The following PNPLA6 variants were observed in gnomAD, a reference collection of about 807,000 sequenced individuals.
The protein encoded by PNPLA6 is patatin like domain 6, lysophospholipase.
Under a neutral mutation model 153.7 loss-of-function variants are expected in PNPLA6, and 105 were observed. The observed-to-expected ratio is 0.68, with a 90% CI of 0.58 to 0.80. The LOEUF (loss-of-function observed/expected upper bound fraction) is 0.80. PNPLA6 is among the 30% of genes least tolerant of loss of function. The probability of loss-of-function intolerance (pLI) is 0.00; values close to 1 mark genes in which losing one functional copy is unlikely to be tolerated. For synonymous variants in PNPLA6, 825 were observed against 822.2 expected, an observed-to-expected ratio of 1.00 and a Z score of -0.06; for missense variants, 1,423 against 1,919.3, an observed-to-expected ratio of 0.74 and a Z score of 4.83.
At chr19:7,554,376 G>A (rs950895330) in intron 20 of PNPLA6, 104 bp downstream of exon 20, 26 of 1,286,802 alleles carry the variant, frequency 2.0e-5, no homozygotes, top group African/African-American at 1.0e-4. Context: ...CGGAGCCTGC[G>A]TCTTACCCAT....
chr19:7,561,514 A>G lies in PNPLA6; in HGVS notation c.4050A>G (p.Gln1350=), dbSNP rs924618152. ...AGGAGGAGAAGTCGATTCTCCGGCA[A>G]CGACGCTGTCTGCCCCAGGAGCCGC... The part of the protein sequence containing the change: ...EMEEEKSILR[Q]RRCLPQEPPG... Residue 1350 remains glutamine (Q), a synonymous_variant, in exon 32 of 32, where the codon CAA becomes CAG. Transcript: ENST00000600737. 11 of 1,609,118 alleles carry G rather than the reference A, an allele frequency of 6.8e-6. No homozygotes were observed. The East Asian group carries it at 1.8e-4, about 26-fold the overall frequency.
chr19:7,543,155 C>T, intron 13 of PNPLA6, 71 bp downstream of exon 13: 1 of 1,319,938 alleles, frequency 7.6e-7, no homozygotes, highest in South Asian at 1.2e-5. Context: ...ACCTCTGATC[C>T]CTGCCCTTTG....
intron 18 of PNPLA6, among the ~76,000 whole-genome samples, chr19:7,552,493 C>T (rs10410576): frequency 0.048 from 7,303 of 152,092 alleles, 587 homozygotes; most frequent in African/African-American, 0.17. Flanking sequence ...CGGTGGGTCA[C>T]GCCTGTAATC....
At position 7,535,793 on chromosome 19, in the gene PNPLA6, G is replaced by A. The variant is rs1426439155; in HGVS notation, c.5G>A (p.Gly2Glu). M[G>E]TSSHGLATNS... ...CAGCACTGGCCCATTCTGCAGATGGGGACATCGAGTCACGGGCTGGCTACG... is the reference window on the plus strand; with the variant it reads ...CAGCACTGGCCCATTCTGCAGATGGAGACATCGAGTCACGGGCTGGCTACG... Residue 2 changes from glycine to glutamate, a missense_variant, in exon 1 of 32, where the codon GGG becomes GAG. Transcript: ENST00000600737. This position sits in a 1 kb window ranked among gnomAD's most constrained non-coding sequence, Gnocchi z 5.0. The A allele has an allele frequency of 1.3e-6, 2 of 1,535,900 alleles. No individual in the cohort carries two copies. Among genetic ancestry groups the A allele is most frequent in the Non-Finnish European group, 1.7e-6 (2 of 1,146,160 alleles).
At chr19:7,551,898 G>A (rs1465669131) in intron 18 of PNPLA6, among the ~76,000 whole-genome samples, 1 of 152,084 alleles carries the variant, frequency 6.6e-6, no homozygotes, top group East Asian at 1.9e-4. Context: ...CCAGGAGATT[G>A]AGTTTGAAAC....
rs1355846933 is a variant in PNPLA6 at position 7,536,493 on chromosome 19, C to T, written c.360C>T (p.Ala120=). Residue 120 remains alanine (A), a synonymous_variant, in exon 3 of 32, where the codon GCC becomes GCT. Transcript: ENST00000600737. ...CCCTCGTGGATACCTCTGTCTCCGC[C>T]ACCTCCCGGCCACGCATGAGGAAGA... ...TSSLVDTSVS[A]TSRPRMRKKL... 4.3e-6 allele frequency: 7 copies of T among 1,614,064 alleles called. No individual in the cohort carries two copies. Among genetic ancestry groups the T allele is most frequent in the Non-Finnish European group, 5.9e-6 (7 of 1,179,904 alleles).
At chr19:7,535,326 G>C (rs1051111466), upstream of PNPLA6, 20 of 625,944 alleles carry the variant, frequency 3.2e-5, no homozygotes, top group South Asian at 1.1e-4. The surrounding 1 kb of genome is among the most constrained non-coding windows in gnomAD (Gnocchi z 5.0). Flanking sequence ...CCAGGGCCGA[G>C]AGGTCGGTTT....
Position 7,540,760 on chromosome 19 carries a change from C to G in PNPLA6, c.795+50C>G, listed in dbSNP as rs1568407968. The G allele has an allele frequency of 1.3e-6, 2 of 1,548,412 alleles. No homozygotes were observed. Among genetic ancestry groups the G allele is most frequent in the Non-Finnish European group, 1.8e-6 (2 of 1,120,134 alleles). Reference sequence around the variant, plus strand: ...GGGGGCTGGGGTGCAAGGTCCCACCCAAGGGACTAGGTTGAAGGAAATCAC... The same window carrying G: ...GGGGGCTGGGGTGCAAGGTCCCACCGAAGGGACTAGGTTGAAGGAAATCAC... On this transcript the variant is annotated intron_variant, in intron 6 of 31. Transcript: ENST00000600737. The surrounding 1 kb of genome is among the most constrained non-coding windows in gnomAD (Gnocchi z 6.8).
chr19:7,556,383 C>T (rs1433857733), intron 24 of PNPLA6, 70 bp from the exon 25 acceptor site: 3 of 938,372 alleles, frequency 3.2e-6, no homozygotes, highest in Non-Finnish European at 5.3e-6. Flanking sequence ...CTTGCTCACC[C>T]CCTATTGATG....
chr19:7,542,968 G>T, intron 12 of PNPLA6, 39 bp from the exon 13 acceptor site: 2 of 1,613,864 alleles, frequency 1.2e-6, no homozygotes, highest in Non-Finnish European at 8.5e-7. Flanking sequence ...GCGCAAGGGA[G>T]GCCTGGCTGC....
intron 20 of PNPLA6, 105 bp from the exon 21 acceptor site, chr19:7,554,450 G>T: frequency 7.2e-7 from 1 of 1,380,126 alleles, no homozygotes; most frequent in Admixed American, 1.8e-5. Context: ...TCCGTGGTGG[G>T]GGTTTGGGTG....
Position 7,554,022 on chromosome 19 carries a change from G to A in PNPLA6, c.2401+7G>A. ...CACGCCCTGCAGGCCATCGGTCAGT[G>A]GGGTGAGGGTCATGGGTGGGGGCTG... is the stretch of plus-strand genomic sequence containing the variant. On this transcript the variant is annotated splice_region_variant and intron_variant, in intron 19 of 31. Coordinates refer to ENST00000600737, the MANE Select transcript of PNPLA6 (RefSeq NM_001166114.2). 6.2e-7 allele frequency: 1 copy of A among 1,613,590 alleles called. No individual in the cohort carries two copies. The highest frequency in any genetic ancestry group is 8.5e-7 in the Non-Finnish European group (1 of 1,179,778).
intron 10 of PNPLA6, 54 bp from the exon 11 acceptor site, chr19:7,542,507 T>A (rs8109278): frequency 8.6e-6 from 12 of 1,399,268 alleles, no homozygotes; most frequent in African/African-American, 4.2e-5. Flanking sequence ...GCTCATTTTT[T>A]AAAAATCTTA....
chr19:7,555,777 G>A lies in PNPLA6; in HGVS notation c.3093+14G>A. 1 of 1,612,174 alleles carries A rather than the reference G, an allele frequency of 6.2e-7. No homozygotes were observed. The highest frequency in any genetic ancestry group is 8.5e-7 in the Non-Finnish European group (1 of 1,179,712). ...GAGTGGGCCAAGGTGTGTGTTGCGAGGAGGGATTGCTGCACCCCAGGAGTG... is the reference window on the plus strand; with the variant it reads ...GAGTGGGCCAAGGTGTGTGTTGCGAAGAGGGATTGCTGCACCCCAGGAGTG... On this transcript the variant is annotated intron_variant, in intron 24 of 31. Transcript: ENST00000600737. The surrounding 1 kb of genome is among the most constrained non-coding windows in gnomAD (Gnocchi z 6.3).
Position 7,554,661 on chromosome 19 carries a change from C to A in PNPLA6, c.2572C>A (p.Leu858Met), listed in dbSNP as rs1200832599. The A allele has an allele frequency of 1.9e-6, 3 of 1,614,022 alleles. No individual in the cohort carries two copies. In the African/African-American group the frequency reaches 4.0e-5, roughly 22 times the overall value. The change falls in exon 21 of 32, where the codon CTG becomes ATG. Residue 858 changes from leucine to methionine, a missense_variant. This residue lies in a region of PNPLA6 where 643 missense variants were observed against 835.2 expected (regional missense o/e 0.77). Transcript: ENST00000600737. ...GCTGACGCCCTGGACCGTGCGCTGC[C>A]TGCGACAGGCCGACTGCATCCTCAT... is the stretch of plus-strand genomic sequence containing the variant. ...ASLTPWTVRC[L>M]RQADCILIVG...
Position 7,555,504 on chromosome 19 carries a change from G to C in PNPLA6, c.2937-103G>C. On this transcript the variant is annotated intron_variant, in intron 23 of 31. Transcript: ENST00000600737. This position sits in a 1 kb window ranked among gnomAD's most constrained non-coding sequence, Gnocchi z 6.3. ...CGGGAGAGACCCCGTGGGTAGGGGC[G>C]GGTCCTTTGTTCCTTAGCAGTGCGG... 7.0e-7 allele frequency: 1 copy of C among 1,421,098 alleles called. No individual in the cohort carries two copies. The highest frequency in any genetic ancestry group is 9.7e-7 in the Non-Finnish European group (1 of 1,035,002). The allele number at this position is 1,421,098 out of a possible 1,614,324, so 88.0% of individuals were successfully genotyped here.
intron 13 of PNPLA6, among the ~76,000 whole-genome samples, chr19:7,543,810 T>C (rs1252388203): frequency 6.6e-6 from 1 of 151,828 alleles, no homozygotes; most frequent in Non-Finnish European, 1.5e-5. Context: ...ACTTCTTTTT[T>C]TTCTTTTTTT....
rs993829210 is a variant in PNPLA6, at chr19:7,535,754, C to A, written c.-35C>A. Reference sequence around the variant, plus strand: ...GCCGGGCCTCAGGGAAGAGTCGCGCCCCCGGGGAGGGAGCAGCACTGGCCC... The same window carrying A: ...GCCGGGCCTCAGGGAAGAGTCGCGCACCCGGGGAGGGAGCAGCACTGGCCC... On this transcript the variant is annotated 5_prime_UTR_variant, in exon 1 of 32. Coordinates refer to ENST00000600737, the MANE Select transcript of PNPLA6 (RefSeq NM_001166114.2). This position sits in a 1 kb window ranked among gnomAD's most constrained non-coding sequence, Gnocchi z 5.0. 2 of 1,519,806 alleles carry A rather than the reference C, an allele frequency of 1.3e-6. No individual in the cohort carries two copies. The highest frequency in any genetic ancestry group is 2.0e-5 in the Admixed American group (1 of 50,544). 94.1% of individuals were successfully genotyped at this position (1,519,806 alleles called of 1,614,324 possible). A position where few individuals can be genotyped will look rare whatever the true frequency, so the allele number is the denominator to read the frequency against.
intron 18 of PNPLA6, among the ~76,000 whole-genome samples, chr19:7,552,086 G>A (rs1027219644): frequency 6.6e-6 from 1 of 152,306 alleles, no homozygotes; most frequent in Admixed American, 6.5e-5. Flanking sequence ...CTCCAGCCGG[G>A]ATGACAGAGC....
Sources: gnomAD v4.1 joint callset for allele counts (sites outside exome capture counted in the v4.1 genomes callset) on GRCh38, gnomAD v4.1.1 for gene constraint, gnomAD v4.1.1 regional missense constraint, Gnocchi (gnomAD v3.1) non-coding constraint, MANE v1.5 for transcripts, NCBI Gene and HGNC (gene_info 2026-07-23, HGNC 2026-07-21) for gene names.